The following ARHGAP32 variants were observed in gnomAD, a reference collection of about 807,000 sequenced individuals.
The protein encoded by ARHGAP32 is rho GTPase-activating protein 32.
ARHGAP32 carries 51 observed loss-of-function variants against 186.5 expected under a neutral mutation model. The ratio of observed to expected loss-of-function variants is 0.27; its 90% CI spans 0.22 to 0.35. ARHGAP32 has a LOEUF of 0.35. Among genes scored for constraint, ARHGAP32 ranks in the 10% least tolerant of loss-of-function variants. ARHGAP32 has a pLI of 1.00. For missense variants in ARHGAP32, 2,186 were observed against 2,623.5 expected, an observed-to-expected ratio of 0.83 and a Z score of 3.64; for synonymous variants, 950 against 964.3, an observed-to-expected ratio of 0.99 and a Z score of 0.27.
At chr11:129,120,727 TG>T (rs1942506996) in intron 5 of ARHGAP32, among the ~76,000 whole-genome samples, 1 of 152,082 alleles carries the variant, frequency 6.6e-6, no homozygotes, top group Non-Finnish European at 1.5e-5. Flanking sequence ...TTTCAAGATC[TG>T]AAGAGAAGAA....
Position 129,017,121 on chromosome 11 carries a change from G to C in ARHGAP32, c.1046-18653C>G, listed in dbSNP as rs144648574. 1.8e-4 allele frequency among the ~76,000 whole-genome samples: 27 copies of C among 152,202 alleles called. No individual in the cohort carries two copies. The South Asian group carries it at 2.3e-3, about 13-fold the overall frequency. On this transcript the variant is annotated intron_variant, in intron 11 of 22. Coordinates refer to ENST00000682385, the MANE Select transcript of ARHGAP32 (RefSeq NM_001378024.1). ...TGCAGCTCCTAACGGTATGATTATG[G>C]AGAAATATTTAAATTCTCAGTATTT...
intron 6 of ARHGAP32, among the ~76,000 whole-genome samples, chr11:129,088,042 T>C (rs990038115): frequency 1.3e-5 from 2 of 152,230 alleles, no homozygotes; most frequent in African/African-American, 2.4e-5. Flanking sequence ...GATTTCAAAA[T>C]GTAGTTCCTC....
intron 5 of ARHGAP32, among the ~76,000 whole-genome samples, chr11:129,119,915 T>C (rs1233671488): frequency 6.6e-6 from 1 of 151,988 alleles, no homozygotes; most frequent in East Asian, 1.9e-4. Flanking sequence ...AGAAGAAAGA[T>C]GAGGTCGGAA....
chr11:129,226,024 T>C (rs1591706026), intron 1 of ARHGAP32, among the ~76,000 whole-genome samples: 1 of 152,018 alleles, frequency 6.6e-6, no homozygotes, highest in East Asian at 1.9e-4. Context: ...GAAAAATTCT[T>C]CAAATATGAA....
At position 129,001,243 on chromosome 11, in the gene ARHGAP32, C is replaced by T. The variant is rs571292439; in HGVS notation, c.1046-2775G>A. ...GTGGCTGTACTAATTTACATTCCCA[C>T]CAACAGTGTAAAAGGGTTCCCTTTT... On this transcript the variant is annotated intron_variant, in intron 11 of 22. Transcript: ENST00000682385. Among the ~76,000 whole-genome samples, 5 of 152,302 alleles carry T rather than the reference C, an allele frequency of 3.3e-5. No homozygotes were observed. In the South Asian group the frequency reaches 1.0e-3, roughly 32 times the overall value.
chr11:129,116,681 GAT>G (rs1382328515), intron 5 of ARHGAP32, among the ~76,000 whole-genome samples: 1 of 151,924 alleles, frequency 6.6e-6, no homozygotes, highest in African/African-American at 2.4e-5. Flanking sequence ...AATGGGGAGA[GAT>G]AACCTTTTCA....
chr11:128,980,476 T>C lies in ARHGAP32; in HGVS notation c.1976+77A>G, dbSNP rs910080159. 2.3e-5 allele frequency: 28 copies of C among 1,235,570 alleles called. No homozygotes were observed. In the African/African-American group the frequency reaches 4.0e-4, roughly 18 times the overall value. 76.5% of individuals were successfully genotyped at this position (1,235,570 alleles called of 1,614,324 possible). Reference sequence around the variant, plus strand: ...AATAGAGTAATACTAAAATACAAAATTAAAAGCAAACTAAAAGAAAATAAT... The same window carrying C: ...AATAGAGTAATACTAAAATACAAAACTAAAAGCAAACTAAAAGAAAATAAT... On this transcript the variant is annotated intron_variant, in intron 18 of 22. Coordinates refer to ENST00000682385, the MANE Select transcript of ARHGAP32 (RefSeq NM_001378024.1).
intron 3 of ARHGAP32, 134 bp from the exon 4 acceptor site, chr11:129,124,063 C>A: frequency 4.7e-6 from 2 of 429,008 alleles, no homozygotes; most frequent in South Asian, 3.6e-5. Context: ...GATGAATAGT[C>A]CTTGTTCAAA....
intron 1 of ARHGAP32, among the ~76,000 whole-genome samples, chr11:129,166,784 C>A (rs1406237052): frequency 6.8e-6 from 1 of 147,030 alleles, no homozygotes; most frequent in African/African-American, 2.5e-5. Context: ...TCCAAAACTA[C>A]AAAAACACAT....
At chr11:129,048,699 A>G (rs976543174) in intron 10 of ARHGAP32, among the ~76,000 whole-genome samples, 3 of 152,198 alleles carry the variant, frequency 2.0e-5, no homozygotes, top group African/African-American at 7.2e-5. Context: ...TATTGAACAT[A>G]ATTGTTTATT....
intron 5 of ARHGAP32, among the ~76,000 whole-genome samples, chr11:129,112,872 A>G (rs566998425): frequency 1.3e-5 from 2 of 152,312 alleles, no homozygotes; most frequent in Admixed American, 6.5e-5. Flanking sequence ...ACCGACATAA[A>G]AGCTGCATTT....
At chr11:129,045,467 A>T (rs1939770144) in intron 10 of ARHGAP32, among the ~76,000 whole-genome samples, 1 of 152,250 alleles carries the variant, frequency 6.6e-6, no homozygotes, top group Admixed American at 6.5e-5. Context: ...TGAAAGGCAA[A>T]CAGATTCCAT....
At chr11:128,980,052 G>A (rs1424496183) in intron 18 of ARHGAP32, among the ~76,000 whole-genome samples, 1 of 152,150 alleles carries the variant, frequency 6.6e-6, no homozygotes, top group African/African-American at 2.4e-5. Flanking sequence ...GCGGGTCTGG[G>A]GTGTGACTGG....
At chr11:129,215,080 T>C (rs1944628861) in intron 1 of ARHGAP32, among the ~76,000 whole-genome samples, 1 of 152,148 alleles carries the variant, frequency 6.6e-6, no homozygotes, top group Non-Finnish European at 1.5e-5. Context: ...TGTTAACAAC[T>C]TTCTCTCCTC....
At chr11:129,168,021 T>A (rs917968137) in intron 1 of ARHGAP32, among the ~76,000 whole-genome samples, 2 of 152,082 alleles carry the variant, frequency 1.3e-5, no homozygotes, top group Non-Finnish European at 2.9e-5. Flanking sequence ...AAGGTGGGCA[T>A]ATTACTTGTG....
At chr11:129,094,995 T>G (rs1285675591) in intron 5 of ARHGAP32, among the ~76,000 whole-genome samples, 1 of 152,162 alleles carries the variant, frequency 6.6e-6, no homozygotes, top group Non-Finnish European at 1.5e-5. Flanking sequence ...TCATACTATA[T>G]GAAGTACAAG....
chr11:129,072,385 A>G (rs971884867), intron 6 of ARHGAP32, among the ~76,000 whole-genome samples: 1 of 152,218 alleles, frequency 6.6e-6, no homozygotes, highest in Non-Finnish European at 1.5e-5. Context: ...AGAAGTGATC[A>G]ATGTCCGTCT....
intron 1 of ARHGAP32, among the ~76,000 whole-genome samples, chr11:129,265,585 C>T (rs1025849315): frequency 1.3e-5 from 2 of 152,122 alleles, no homozygotes; most frequent in Admixed American, 6.5e-5. Flanking sequence ...GTTGAGTAAA[C>T]CTGATCAAGT....
chr11:128,968,862 T>G lies in ARHGAP32; in HGVS notation c.*45A>C. 1 of 1,348,210 alleles carries G rather than the reference T, an allele frequency of 7.4e-7. No homozygotes were observed. The highest frequency in any genetic ancestry group is 9.6e-7 in the Non-Finnish European group (1 of 1,036,724). The allele number at this position is 1,348,210 out of a possible 1,614,324, so 83.5% of individuals were successfully genotyped here. A position where few individuals can be genotyped will look rare whatever the true frequency, so the allele number is the denominator to read the frequency against. ...TTGGTTATTGAAAAAAATAGAACAG[T>G]CCACTGTCCAGCAGAGGCTGCTTCA... On this transcript the variant is annotated 3_prime_UTR_variant, in exon 23 of 23. Coordinates refer to ENST00000682385, the MANE Select transcript of ARHGAP32 (RefSeq NM_001378024.1).
Sources: gnomAD v4.1 joint callset for allele counts (sites outside exome capture counted in the v4.1 genomes callset) on GRCh38, gnomAD v4.1.1 for gene constraint, MANE v1.5 for transcripts, NCBI Gene and HGNC (gene_info 2026-07-23, HGNC 2026-07-21) for gene names.